The following DNAI3 variants were observed in gnomAD, a reference collection of about 807,000 sequenced individuals.
The protein encoded by DNAI3 is dynein axonemal intermediate chain 3, also known as WD repeat domain 63.
Under a neutral mutation model 115.5 loss-of-function variants are expected in DNAI3, and 83 were observed. That is an observed-to-expected ratio of 0.72 (90% confidence interval 0.60 to 0.86). DNAI3 has a LOEUF of 0.86. DNAI3 is among the 40% of genes least tolerant of loss of function. The pLI, the probability that DNAI3 is intolerant of heterozygous loss-of-function variation, is 0.00. For missense variants in DNAI3, 1,004 were observed against 1,075.8 expected (o/e 0.93, Z 0.93); for synonymous variants, 320 against 347.0 (o/e 0.92, Z 0.86).
intron 1 of DNAI3, among the ~76,000 whole-genome samples, chr1:85,070,376 G>C (rs1654231388): frequency 6.6e-6 from 1 of 152,176 alleles, no homozygotes; most frequent in Admixed American, 6.5e-5. Context: ...GGATCATCTA[G>C]TACAGAGGTT....
At chr1:85,079,985 G>A (rs1462641739) in intron 3 of DNAI3, among the ~76,000 whole-genome samples, 1 of 151,030 alleles carries the variant, frequency 6.6e-6, no homozygotes, top group African/African-American at 2.4e-5. Flanking sequence ...AAAAAGAGAA[G>A]CCCTAAAGAG....
chr1:85,071,850 T>C (rs1654287056), intron 1 of DNAI3, 78 bp from the exon 2 acceptor site: 3 of 1,314,178 alleles, frequency 2.3e-6, no homozygotes, highest in Non-Finnish European at 3.2e-6. Flanking sequence ...GTTTATTAAA[T>C]GATAATGTTT....
intron 8 of DNAI3, 108 bp downstream of exon 8, chr1:85,090,340 T>C: frequency 3.7e-6 from 2 of 537,336 alleles, no homozygotes; most frequent in Non-Finnish European, 6.2e-6. Context: ...AGATAAAAAG[T>C]ATGAAGACAG....
chr1:85,101,315 G>A (rs929548428), intron 13 of DNAI3, among the ~76,000 whole-genome samples: 7 of 152,062 alleles, frequency 4.6e-5, no homozygotes, highest in African/African-American at 1.7e-4. Context: ...TCTGTGATAT[G>A]TTAAAAGTTT....
chr1:85,109,895 G>T (rs1443131072), intron 15 of DNAI3, among the ~76,000 whole-genome samples, 153 bp from the exon 16 acceptor site: 1 of 151,960 alleles, frequency 6.6e-6, no homozygotes, highest in African/African-American at 2.4e-5. Context: ...ATGGAGGAAA[G>T]AAACTAGAAA....
chr1:85,067,451 GTATT>G (rs1307053439), intron 1 of DNAI3, among the ~76,000 whole-genome samples: 8 of 152,210 alleles, frequency 5.3e-5, no homozygotes, highest in African/African-American at 1.2e-4. Flanking sequence ...TATCTACAGA[GTATT>G]TAATAGCAGC....
chr1:85,121,757 G>A lies in DNAI3; in HGVS notation c.1924G>A (p.Glu642Lys), dbSNP rs540220430. ...TKFFVGTEEGEVIYTDWKMEK... is the reference protein window; with the variant it reads ...TKFFVGTEEGKVIYTDWKMEK... ...GAACCTGTAATATTTTTAGGAAGGCGAAGTGATATACACAGATTGGAAAAT... is the reference window on the plus strand; with the variant it reads ...GAACCTGTAATATTTTTAGGAAGGCAAAGTGATATACACAGATTGGAAAAT... The change falls in exon 18 of 23, where the codon GAA becomes AAA. Residue 642 changes from glutamate to lysine, a missense_variant. Glu to Lys is a moderately conservative substitution (Grantham distance 56). Coordinates refer to ENST00000294664, the MANE Select transcript of DNAI3 (RefSeq NM_145172.5). 30 of 1,613,950 alleles carry A rather than the reference G, an allele frequency of 1.9e-5. No homozygotes were observed. In the African/African-American group the frequency reaches 2.1e-4, roughly 11 times the overall value.
intron 13 of DNAI3, among the ~76,000 whole-genome samples, chr1:85,104,128 T>C (rs1308920437): frequency 6.7e-6 from 1 of 148,950 alleles, no homozygotes; most frequent in Non-Finnish European, 1.5e-5. Context: ...TCCTTTTTTT[T>C]TTTTTTTTTT....
chr1:85,087,166 C>T (rs1199866515), intron 7 of DNAI3, among the ~76,000 whole-genome samples: 1 of 152,038 alleles, frequency 6.6e-6, no homozygotes, highest in African/African-American at 2.4e-5. Flanking sequence ...GGCCGGGCAC[C>T]GTGACTCACG....
At chr1:85,064,238 T>A (rs1473678955) in intron 1 of DNAI3, among the ~76,000 whole-genome samples, 1 of 152,134 alleles carries the variant, frequency 6.6e-6, no homozygotes, top group Non-Finnish European at 1.5e-5. Flanking sequence ...GTTAAAGACC[T>A]GAACCAGAGG....
chr1:85,066,321 T>A (rs1280507933), intron 1 of DNAI3, among the ~76,000 whole-genome samples: 2 of 123,604 alleles, frequency 1.6e-5, no homozygotes, highest in Non-Finnish European at 3.4e-5. Context: ...ACTCTTTTTT[T>A]TTTTTTTTTT....
chr1:85,090,873 G>T (rs564475814), intron 8 of DNAI3, among the ~76,000 whole-genome samples: 2 of 152,266 alleles, frequency 1.3e-5, no homozygotes, highest in African/African-American at 4.8e-5. Flanking sequence ...GGACAAGTCT[G>T]CCAGTTATAC....
At chr1:85,110,600 T>C (rs948250774) in intron 16 of DNAI3, among the ~76,000 whole-genome samples, 40 of 152,250 alleles carry the variant, frequency 2.6e-4, no homozygotes, top group South Asian at 1.2e-3. Context: ...AACTTTATAA[T>C]GGCAATAATA....
chr1:85,104,746 C>A, intron 14 of DNAI3, 149 bp downstream of exon 14: 1 of 689,724 alleles, frequency 1.4e-6, no homozygotes, highest in Non-Finnish European at 2.4e-6. Context: ...TGGATTGTTG[C>A]TAGCTTAAAA....
chr1:85,116,235 A>G (rs1272034588), intron 16 of DNAI3, among the ~76,000 whole-genome samples: 1 of 152,068 alleles, frequency 6.6e-6, no homozygotes, highest in Non-Finnish European at 1.5e-5. Flanking sequence ...AACCCAATCT[A>G]CCCTATCCAA....
At chr1:85,105,544 A>G (rs1158984756) in intron 14 of DNAI3, among the ~76,000 whole-genome samples, 38 of 151,052 alleles carry the variant, frequency 2.5e-4, no homozygotes, top group African/African-American at 7.8e-4. Flanking sequence ...AAAAAAAAGA[A>G]AAAGAAAAAG....
Position 85,087,546 on chromosome 1 carries a change from G to A in DNAI3, c.740+1516G>A, listed in dbSNP as rs561747392. ...CCACTGTGCCATAATCACTTGATTT[G>A]TGTTTTTCGTCATCTCTCTTCTCTT... On this transcript the variant is annotated intron_variant, in intron 7 of 22. Transcript: ENST00000294664. 5.5e-5 allele frequency among the ~76,000 whole-genome samples: 8 copies of A among 146,502 alleles called. No homozygotes were observed. The East Asian group carries it at 1.2e-3, about 22-fold the overall frequency.
At position 85,096,789 on chromosome 1, in the gene DNAI3, A is replaced by C. The variant is rs534248314; in HGVS notation, c.1263+769A>C. 2.0e-4 allele frequency among the ~76,000 whole-genome samples: 30 copies of C among 152,238 alleles called. No homozygotes were observed. The South Asian group carries it at 6.2e-3, about 32-fold the overall frequency. On this transcript the variant is annotated intron_variant, in intron 11 of 22. Coordinates refer to ENST00000294664, the MANE Select transcript of DNAI3 (RefSeq NM_145172.5). ...CTGCAGCTTCCATGTCCATTTATCC[A>C]GAACCAAAATAACCAGGAAAACAAT... is the stretch of plus-strand genomic sequence containing the variant.
rs1236288914 is a variant in DNAI3 at position 85,095,985 on chromosome 1, C to T, written c.1228C>T (p.Pro410Ser). 3.1e-6 allele frequency: 5 copies of T among 1,613,746 alleles called. No individual in the cohort carries two copies. The highest frequency in any genetic ancestry group is 1.3e-5 in the African/African-American group (1 of 74,892). ...IFCFKFCPSD[P>S]NIIAGGCING... ...CTGCTTCAAGTTCTGTCCGAGTGAT[C>T]CTAATATCATTGCTGGAGGCTGTAT... Residue 410 changes from proline (P) to serine (S), a missense_variant, in exon 11 of 23, where the codon CCT (proline) becomes TCT (serine). Coordinates refer to ENST00000294664, the MANE Select transcript of DNAI3 (RefSeq NM_145172.5).
Sources: gnomAD v4.1 joint callset for allele counts (sites outside exome capture counted in the v4.1 genomes callset) on GRCh38, gnomAD v4.1.1 for gene constraint, MANE v1.5 for transcripts, NCBI Gene and HGNC (gene_info 2026-07-23, HGNC 2026-07-21) for gene names.